ULK2: variants seen among roughly 807,000 people sequenced by gnomAD.
ULK2 encodes serine/threonine-protein kinase ULK2.
Under a neutral mutation model 127.5 loss-of-function variants are expected in ULK2, and 76 were observed. The ratio of observed to expected loss-of-function variants is 0.60; its 90% CI spans 0.50 to 0.72. The LOEUF is 0.72. ULK2 is among the 30% of genes least tolerant of loss of function. The probability of loss-of-function intolerance (pLI) is 0.00; values close to 1 mark genes in which losing one functional copy is unlikely to be tolerated. For missense variants in ULK2, 1,144 were observed against 1,295.9 expected (o/e 0.88, Z 1.80); for synonymous variants, 452 against 461.9 (o/e 0.98, Z 0.28).
intron 21 of ULK2, 188 bp from the exon 22 acceptor site, chr17:19,784,093 T>TA: frequency 2.3e-6 from 1 of 431,286 alleles, no homozygotes; most frequent in Non-Finnish European, 3.9e-6. Context: ...TTGTTATTCC[T>TA]TGTCTATATA....
At chr17:19,817,625 G>A (rs2041024178) in intron 12 of ULK2, among the ~76,000 whole-genome samples, 1 of 152,144 alleles carries the variant, frequency 6.6e-6, no homozygotes, top group African/African-American at 2.4e-5. Flanking sequence ...CGTTTATCTA[G>A]TGCAAGGACC....
rs1043199584 is a variant in ULK2, at chr17:19,774,744, G to T, written c.*1605C>A. The T allele has an allele frequency of 2.0e-5, 3 of 152,470 alleles. No homozygotes were observed. Among genetic ancestry groups the T allele is most frequent in the African/African-American group, 7.2e-5 (3 of 41,396 alleles). 9.4% of individuals were successfully genotyped at this position (152,470 alleles called of 1,614,324 possible). On this transcript the variant is annotated 3_prime_UTR_variant, in exon 27 of 27. Transcript: ENST00000395544. ...TTAATATGTACCCAGCTACACCCTA[G>T]AAACACTTTGTCAGTTTTATTTTAC...
intron 7 of ULK2, among the ~76,000 whole-genome samples, chr17:19,845,068 A>T (rs2041847897): frequency 6.6e-6 from 1 of 152,210 alleles, no homozygotes; most frequent in Admixed American, 6.5e-5. Flanking sequence ...TTGTCTCATA[A>T]CTAATCTTTT....
At chr17:19,777,932 T>C (rs1225256824) in intron 25 of ULK2, among the ~76,000 whole-genome samples, 1 of 152,228 alleles carries the variant, frequency 6.6e-6, no homozygotes, top group Non-Finnish European at 1.5e-5. Flanking sequence ...AACACAGCCT[T>C]CTGGTATTCA....
At position 19,780,646 on chromosome 17, in the gene ULK2, AT is replaced by A; in HGVS notation, c.2759-18del. 1.3e-6 allele frequency: 2 copies of A among 1,590,884 alleles called. No homozygotes were observed. Among genetic ancestry groups the A allele is most frequent in the Non-Finnish European group, 1.7e-6 (2 of 1,168,142 alleles). On this transcript the variant is annotated intron_variant, in intron 24 of 26. Coordinates refer to ENST00000395544, the MANE Select transcript of ULK2 (RefSeq NM_014683.4). ...TCTTGACAACTGAAAAAAAATTGAGATGGGAACTAATTTTAATTTTCCTCCA... is the reference window on the plus strand; with the variant it reads ...TCTTGACAACTGAAAAAAAATTGAGAGGGAACTAATTTTAATTTTCCTCCA...
intron 10 of ULK2, among the ~76,000 whole-genome samples, chr17:19,835,909 G>C (rs1322356925): frequency 2.0e-5 from 3 of 151,718 alleles, no homozygotes; most frequent in African/African-American, 7.3e-5. Flanking sequence ...ATTTCTTGAA[G>C]CCAGGAATTC....
chr17:19,829,059 C>T (rs1300908775), intron 10 of ULK2, among the ~76,000 whole-genome samples: 2 of 152,040 alleles, frequency 1.3e-5, no homozygotes, highest in African/African-American at 4.8e-5. Context: ...AAGTGTAAGA[C>T]TCCATCTCAA....
At chr17:19,815,330 AGCTCACT>A (rs2040961221) in intron 13 of ULK2, among the ~76,000 whole-genome samples, 2 of 152,096 alleles carry the variant, frequency 1.3e-5, no homozygotes, top group South Asian at 4.2e-4. Context: ...GCACGATCTC[AGCTCACT>A]GCAACCTCCC....
At position 19,820,393 on chromosome 17, in the gene ULK2, A is replaced by C. The variant is rs2041109890; in HGVS notation, c.925-3473T>G. On this transcript the variant is annotated intron_variant, in intron 12 of 26. Transcript: ENST00000395544. The stretch of plus-strand genomic sequence containing the variant: ...AATGCAGCTGAAATTCCTTTGCTTG[A>C]CCTCCAAATACTGTCAGGCCTCTGT... Among the ~76,000 whole-genome samples, 5 of 151,118 alleles carry C rather than the reference A, an allele frequency of 3.3e-5. No individual in the cohort carries two copies. In the South Asian group the frequency reaches 8.4e-4, roughly 25 times the overall value.
chr17:19,777,020 T>C (rs774925782), intron 26 of ULK2, among the ~76,000 whole-genome samples: 3 of 152,250 alleles, frequency 2.0e-5, no homozygotes, highest in Non-Finnish European at 4.4e-5. Context: ...GCTGTATCTA[T>C]GTATCTATCT....
At chr17:19,814,974 C>T (rs1416067072) in intron 13 of ULK2, among the ~76,000 whole-genome samples, 1 of 152,124 alleles carries the variant, frequency 6.6e-6, no homozygotes, top group Non-Finnish European at 1.5e-5. Flanking sequence ...TTAGAACATT[C>T]ACATTATACT....
At chr17:19,860,562 T>C (rs914945037) in intron 3 of ULK2, among the ~76,000 whole-genome samples, 2 of 151,584 alleles carry the variant, frequency 1.3e-5, no homozygotes, top group Admixed American at 6.6e-5. Flanking sequence ...TTCCCTCTTG[T>C]TGCCCAGGCT....
chr17:19,846,683 C>T, intron 6 of ULK2, 54 bp downstream of exon 6: 1 of 1,475,780 alleles, frequency 6.8e-7, no homozygotes, highest in Non-Finnish European at 9.0e-7. Context: ...CTAAAGTTGT[C>T]TAAAAATAGT....
At chr17:19,816,656 C>A in intron 13 of ULK2, 93 bp downstream of exon 13, 7 of 1,109,822 alleles carry the variant, frequency 6.3e-6, no homozygotes, top group East Asian at 2.9e-5. Flanking sequence ...GAAAAGGTGC[C>A]CTACACAAGA....
intron 10 of ULK2, among the ~76,000 whole-genome samples, chr17:19,827,547 T>A (rs747085555): frequency 3.3e-5 from 5 of 152,346 alleles, no homozygotes; most frequent in Admixed American, 6.5e-5. Context: ...ATTTGCTAAG[T>A]ATTTTCATTA....
chr17:19,776,105 C>G lies in ULK2; in HGVS notation c.*244G>C, dbSNP rs567461776. 1.5e-5 allele frequency: 7 copies of G among 457,244 alleles called. No homozygotes were observed. In the South Asian group the frequency reaches 3.1e-4, roughly 21 times the overall value. 28.3% of individuals were successfully genotyped at this position (457,244 alleles called of 1,614,324 possible). ...TTATTCACCAAGTCCAAACTGGGAG[C>G]CAAACACTCTTGCTCCTGCTTCTAC... On this transcript the variant is annotated 3_prime_UTR_variant, in exon 27 of 27. Coordinates refer to ENST00000395544, the MANE Select transcript of ULK2 (RefSeq NM_014683.4).
At chr17:19,840,425 C>T in intron 9 of ULK2, 2 of 491,540 alleles carry the variant, frequency 4.1e-6, no homozygotes, top group South Asian at 3.2e-5. Context: ...CCCTCTTCTT[C>T]TGGTATTGTG....
intron 10 of ULK2, among the ~76,000 whole-genome samples, chr17:19,829,023 G>C (rs1165985761): frequency 6.6e-6 from 1 of 152,164 alleles, no homozygotes; most frequent in Non-Finnish European, 1.5e-5. Context: ...AGCTGAGATT[G>C]TGCCACTGCA....
intron 18 of ULK2, 31 bp from the exon 19 acceptor site, chr17:19,796,313 A>C (rs2087270812): frequency 1.3e-6 from 2 of 1,538,122 alleles, no homozygotes; most frequent in South Asian, 2.5e-5. Flanking sequence ...ATATATATGT[A>C]AACTAGTTAA....
Sources: gnomAD v4.1 joint callset for allele counts (sites outside exome capture counted in the v4.1 genomes callset) on GRCh38, gnomAD v4.1.1 for gene constraint, MANE v1.5 for transcripts, NCBI Gene and HGNC (gene_info 2026-07-23, HGNC 2026-07-21) for gene names.